Variants in DDX60L observed in about 807,000 individuals in gnomAD.
The protein encoded by DDX60L is DExD/H-box 60 like.
DDX60L carries 191 observed loss-of-function variants against 211.6 expected under a neutral mutation model. The observed-to-expected ratio is 0.90, with a 90% CI of 0.80 to 1.02. The LOEUF (loss-of-function observed/expected upper bound fraction) is 1.02. DDX60L is among the 50% of genes least tolerant of loss of function. The pLI, the probability that DDX60L is intolerant of heterozygous loss-of-function variation, is 0.00. For missense variants in DDX60L, 2,007 were observed against 1,984.1 expected (o/e 1.01, Z -0.22); for synonymous variants, 706 against 694.1 (o/e 1.02, Z -0.27).
At chr4:168,403,495 G>A (rs1371338967) in intron 25 of DDX60L, among the ~76,000 whole-genome samples, 2 of 152,118 alleles carry the variant, frequency 1.3e-5, no homozygotes, top group Admixed American at 6.6e-5. Context: ...GTCCCACTTC[G>A]GTTCTCCTAA....
chr4:168,440,354 G>A (rs1242678367), intron 10 of DDX60L, among the ~76,000 whole-genome samples: 2 of 152,172 alleles, frequency 1.3e-5, no homozygotes, highest in East Asian at 3.8e-4. Context: ...TCATAAAGCT[G>A]CATTTCTATG....
intron 1 of DDX60L, among the ~76,000 whole-genome samples, chr4:168,476,951 G>A (rs1759589202): frequency 6.6e-6 from 1 of 152,172 alleles, no homozygotes; most frequent in Non-Finnish European, 1.5e-5. Context: ...ACCACTATAT[G>A]AAAGAAACTG....
At chr4:168,374,436 T>G (rs1421580990) in intron 34 of DDX60L, among the ~76,000 whole-genome samples, 1 of 152,186 alleles carries the variant, frequency 6.6e-6, no homozygotes, top group Non-Finnish European at 1.5e-5. Context: ...CTAGCTTCTT[T>G]CCATTTATTC....
Position 168,379,480 on chromosome 4 carries a change from G to T in DDX60L, c.4246C>A (p.Pro1416Thr), listed in dbSNP as rs1310694491. Residue 1416 changes from proline to threonine, a missense_variant, in exon 32 of 38, where the codon CCA (proline) becomes ACA (threonine). Coordinates refer to ENST00000682922, the MANE Select transcript of DDX60L (RefSeq NM_001012967.3). Reference protein sequence around the residue: ...KEDYLNKKGNPKKFAGLASYL... With the variant: ...KEDYLNKKGNTKKFAGLASYL... ...GATGCAAGTCCTGCAAATTTCTTTG[G>T]ATTACCCTTTTTATTTAAATAGTCC... 2 of 1,582,210 alleles carry T rather than the reference G, an allele frequency of 1.3e-6. No individual in the cohort carries two copies. The highest frequency in any genetic ancestry group is 2.4e-5 in the South Asian group (2 of 84,450).
chr4:168,361,932 G>A (rs991221203), intron 36 of DDX60L, among the ~76,000 whole-genome samples: 2 of 152,182 alleles, frequency 1.3e-5, no homozygotes, highest in African/African-American at 2.4e-5. Context: ...CATTTTGAAG[G>A]CCAGTAGCCA....
chr4:168,397,297 C>T (rs1162004168), intron 26 of DDX60L, among the ~76,000 whole-genome samples: 2 of 152,156 alleles, frequency 1.3e-5, no homozygotes, highest in East Asian at 3.9e-4. Context: ...ATGTGCCAGG[C>T]AATATGCTAT....
At chr4:168,416,552 GT>G (rs1188049888) in intron 20 of DDX60L, 129 bp downstream of exon 20, 4 of 523,614 alleles carry the variant, frequency 7.6e-6, no homozygotes, top group Non-Finnish European at 9.2e-6. Context: ...GACCACTGAC[GT>G]TTCAAAGATT....
chr4:168,450,318 C>T (rs374930523), intron 8 of DDX60L, among the ~76,000 whole-genome samples: 10 of 152,130 alleles, frequency 6.6e-5, no homozygotes, highest in African/African-American at 2.2e-4. Flanking sequence ...TGCAAGAAGA[C>T]AGCTTCAACG....
intron 22 of DDX60L, among the ~76,000 whole-genome samples, chr4:168,410,250 G>C (rs568603186): frequency 1.4e-4 from 21 of 152,200 alleles, no homozygotes; most frequent in African/African-American, 4.6e-4. Context: ...TCCATGTGGA[G>C]AGATCATAGA....
chr4:168,360,738 C>G (rs141484527), intron 37 of DDX60L, among the ~76,000 whole-genome samples: 1 of 152,076 alleles, frequency 6.6e-6, no homozygotes, highest in African/African-American at 2.4e-5. Flanking sequence ...GCACTGGGTA[C>G]GAGAAAGATT....
At chr4:168,403,818 C>T (rs1464727801) in intron 25 of DDX60L, among the ~76,000 whole-genome samples, 164 bp downstream of exon 25, 2 of 151,724 alleles carry the variant, frequency 1.3e-5, no homozygotes, top group East Asian at 1.9e-4. Flanking sequence ...GAAGACTGAC[C>T]CATTTCTTTA....
chr4:168,473,122 G>A (rs867118010), intron 1 of DDX60L, among the ~76,000 whole-genome samples: 6 of 152,190 alleles, frequency 3.9e-5, no homozygotes, highest in South Asian at 4.1e-4. Context: ...CTGTGACAGA[G>A]GACAGTATGG....
intron 25 of DDX60L, among the ~76,000 whole-genome samples, chr4:168,402,129 T>G (rs984325638): frequency 1.6e-4 from 23 of 146,386 alleles, no homozygotes; most frequent in Non-Finnish European, 3.4e-4. Flanking sequence ...AGAGGCTTTT[T>G]TTTTTTTTTT....
chr4:168,479,801 C>G (rs1760149328), intron 1 of DDX60L, among the ~76,000 whole-genome samples: 1 of 136,540 alleles, frequency 7.3e-6, no homozygotes, highest in African/African-American at 2.9e-5. Context: ...AACCCCGTCT[C>G]TACTAAAAAT....
At chr4:168,438,582 A>C (rs2130134) in intron 10 of DDX60L, among the ~76,000 whole-genome samples, 133 of 152,376 alleles carry the variant, frequency 8.7e-4, no homozygotes, top group African/African-American at 3.1e-3. Context: ...CCTCCAGAAG[A>C]AACCAATTTT....
chr4:168,375,603 A>C (rs944937250), intron 33 of DDX60L, 79 bp from the exon 34 acceptor site: 4 of 1,325,988 alleles, frequency 3.0e-6, no homozygotes, highest in Middle Eastern at 1.9e-4. Flanking sequence ...AGATTGCAGC[A>C]TAGTTCTGTA....
chr4:168,375,485 A>C lies in DDX60L; in HGVS notation c.4525T>G (p.Leu1509Val), dbSNP rs371051884. 76 of 1,612,690 alleles carry C rather than the reference A, an allele frequency of 4.7e-5. No individual in the cohort carries two copies. The Middle Eastern group carries it at 1.8e-3, about 39-fold the overall frequency. ...ATTACTGCCAGGTTATACTCATATA[A>C]AGCAGCTTTAAAATCCTCCGGGAGT... The part of the protein sequence containing the change: ...AELPEDFKAA[L>V]YEYNLAVMKD... The change falls in exon 34 of 38, where the codon TTA becomes GTA. Residue 1509 changes from leucine (L) to valine (V), a missense_variant. Coordinates refer to ENST00000682922, the MANE Select transcript of DDX60L (RefSeq NM_001012967.3).
intron 29 of DDX60L, among the ~76,000 whole-genome samples, chr4:168,385,624 A>G (rs908921156): frequency 6.6e-6 from 1 of 152,092 alleles, no homozygotes; most frequent in African/African-American, 2.4e-5. Context: ...GTGGAATCCG[A>G]TGCTATCTTC....
intron 15 of DDX60L, 32 bp from the exon 16 acceptor site, chr4:168,422,702 T>C: frequency 6.8e-7 from 1 of 1,465,432 alleles, no homozygotes; most frequent in Middle Eastern, 1.8e-4. Context: ...TGAAATCAAC[T>C]TAAACTTCAA....
Sources: allele counts gnomAD v4.1 joint callset (sites outside exome capture counted in the v4.1 genomes callset), GRCh38; gene constraint gnomAD v4.1.1; transcripts MANE v1.5; gene names NCBI Gene and HGNC (gene_info 2026-07-23, HGNC 2026-07-21).